NRCAM: variants seen among roughly 807,000 people sequenced by gnomAD.
NRCAM encodes the protein neuronal cell adhesion molecule, also known as NgCAM-related cell adhesion molecule.
In NRCAM, 83 loss-of-function variants were observed where a neutral mutation model predicts 156.5. The observed-to-expected ratio is 0.53, with a 90% CI of 0.44 to 0.64. The LOEUF (loss-of-function observed/expected upper bound fraction) is 0.64. Among genes scored for constraint, NRCAM ranks in the 30% least tolerant of loss-of-function variants. NRCAM has a pLI of 0.00. For missense variants in NRCAM, 1,417 were observed against 1,597.3 expected (o/e 0.89, Z 1.92); for synonymous variants, 538 against 563.9 (o/e 0.95, Z 0.65).
At chr7:108,397,531 G>A (rs2099780371) in intron 2 of NRCAM, among the ~76,000 whole-genome samples, 1 of 152,140 alleles carries the variant, frequency 6.6e-6, no homozygotes, top group Non-Finnish European at 1.5e-5. Flanking sequence ...CCTCAACCAT[G>A]TCCTGGGTGG....
intron 2 of NRCAM, among the ~76,000 whole-genome samples, chr7:108,324,531 A>C (rs999764101): frequency 6.6e-6 from 1 of 152,110 alleles, no homozygotes; most frequent in Non-Finnish European, 1.5e-5. Context: ...ACCACAAATG[A>C]CTTGACAGGA....
intron 15 of NRCAM, 69 bp downstream of exon 15, chr7:108,195,692 A>C: frequency 1.2e-6 from 1 of 850,102 alleles, no homozygotes; most frequent in East Asian, 2.6e-5. Flanking sequence ...ATAAAACCCA[A>C]CATATTTAGA....
chr7:108,365,912 C>T (rs2099589020), intron 2 of NRCAM, among the ~76,000 whole-genome samples: 1 of 152,156 alleles, frequency 6.6e-6, no homozygotes, highest in Admixed American at 6.5e-5. Flanking sequence ...CTGAATGCAT[C>T]TCTCAAAATT....
chr7:108,331,419 T>A (rs144357627), intron 2 of NRCAM, among the ~76,000 whole-genome samples: 196 of 151,348 alleles, frequency 1.3e-3, no homozygotes, highest in African/African-American at 4.4e-3. Flanking sequence ...AAAAAAAAAA[T>A]AGATATAATC....
intron 3 of NRCAM, among the ~76,000 whole-genome samples, chr7:108,256,708 A>G (rs1393940512): frequency 6.6e-6 from 1 of 152,216 alleles, no homozygotes; most frequent in Non-Finnish European, 1.5e-5. Flanking sequence ...TTCTACTTAT[A>G]TGAAATCTTT....
At chr7:108,256,511 A>G (rs2096669831) in intron 3 of NRCAM, among the ~76,000 whole-genome samples, 1 of 151,160 alleles carries the variant, frequency 6.6e-6, no homozygotes, top group African/African-American at 2.4e-5. Flanking sequence ...TCCTCTGCCT[A>G]GGAAAACCAG....
chr7:108,424,718 GA>G (rs1297113258), intron 1 of NRCAM, among the ~76,000 whole-genome samples: 1 of 152,104 alleles, frequency 6.6e-6, no homozygotes, highest in Non-Finnish European at 1.5e-5. Context: ...TATCAGGGGG[GA>G]AAGAATGTAC....
At chr7:108,177,372 C>A (rs958257194) in intron 26 of NRCAM, among the ~76,000 whole-genome samples, 77 of 152,158 alleles carry the variant, frequency 5.1e-4, no homozygotes, top group Admixed American at 3.7e-3. Flanking sequence ...GCCTGTAATC[C>A]CAGCACTTTG....
At position 108,225,627 on chromosome 7, in the gene NRCAM, A is replaced by C; in HGVS notation, c.778+18T>G. 1 of 1,495,376 alleles carries C rather than the reference A, an allele frequency of 6.7e-7. No homozygotes were observed. The allele number at this position is 1,495,376 out of a possible 1,614,324, so 92.6% of individuals were successfully genotyped here. A position where few individuals can be genotyped will look rare whatever the true frequency, so the allele number is the denominator to read the frequency against. On this transcript the variant is annotated intron_variant, in intron 10 of 32. Coordinates refer to ENST00000379028, the MANE Select transcript of NRCAM (RefSeq NM_001037132.4). Reference sequence around the variant, plus strand: ...TACAATGAAGGAGAGAATATCAGTTACAATCACCATAACTCACCACCATAA... The same window carrying C: ...TACAATGAAGGAGAGAATATCAGTTCCAATCACCATAACTCACCACCATAA...
At chr7:108,315,459 C>T (rs1218919001) in intron 2 of NRCAM, among the ~76,000 whole-genome samples, 2 of 152,210 alleles carry the variant, frequency 1.3e-5, no homozygotes, top group East Asian at 3.8e-4. Context: ...CATCTTGAAA[C>T]CCAGTTCTCC....
chr7:108,175,352 T>C lies in NRCAM; in HGVS notation c.3157A>G (p.Ile1053Val). The C allele has an allele frequency of 6.4e-7, 1 of 1,562,550 alleles. No homozygotes were observed. The highest frequency in any genetic ancestry group is 8.7e-7 in the Non-Finnish European group (1 of 1,152,204). ...CCTGCACCTACATCAGGTGGAAGAATACCAGCTTTAATGAAGGGAAACAGA... is the reference window on the plus strand; with the variant it reads ...CCTGCACCTACATCAGGTGGAAGAACACCAGCTTTAATGAAGGGAAACAGA... ...EAVTTVDEAG[I>V]LPPDVGAGKV... The change falls in exon 28 of 33, where the codon ATT becomes GTT. Residue 1053 changes from isoleucine (I) to valine (V), a missense_variant. This residue lies in a region of NRCAM where 1,238 missense variants were observed against 1,336.4 expected (regional missense o/e 0.93). Transcript: ENST00000379028.
chr7:108,416,126 G>A (rs1241861446), intron 1 of NRCAM, among the ~76,000 whole-genome samples: 1 of 152,214 alleles, frequency 6.6e-6, no homozygotes. Context: ...AGCTGCTGAT[G>A]TGAGCCCATC....
At chr7:108,363,964 A>T (rs1434493627) in intron 2 of NRCAM, among the ~76,000 whole-genome samples, 1 of 152,216 alleles carries the variant, frequency 6.6e-6, no homozygotes, top group Non-Finnish European at 1.5e-5. Context: ...ATCCTGGGAC[A>T]GAAGAAAAAA....
chr7:108,266,827 A>G (rs1286824122), intron 3 of NRCAM, among the ~76,000 whole-genome samples: 1 of 152,196 alleles, frequency 6.6e-6, no homozygotes, highest in East Asian at 1.9e-4. Context: ...GGACAAAGGA[A>G]AAAGAAAGGG....
intron 2 of NRCAM, among the ~76,000 whole-genome samples, chr7:108,356,673 C>T (rs1236511876): frequency 1.3e-5 from 2 of 152,138 alleles, no homozygotes; most frequent in African/African-American, 4.8e-5. Flanking sequence ...AGCCAGGTGG[C>T]TTGACTTATA....
At chr7:108,404,730 A>T (rs1401190112) in intron 1 of NRCAM, among the ~76,000 whole-genome samples, 2 of 152,208 alleles carry the variant, frequency 1.3e-5, no homozygotes, top group Non-Finnish European at 2.9e-5. Flanking sequence ...ATAGATGAGA[A>T]AACTGAGGCA....
intron 3 of NRCAM, among the ~76,000 whole-genome samples, chr7:108,299,114 A>AAAAGAAAGAAAGAAAGAAAGAAAGAAAG (rs1554479870): frequency 1.2e-4 from 3 of 25,506 alleles, no homozygotes; most frequent in Admixed American, 7.2e-4. Context: ...TCAAAAAAAA[A>AAAAGAAAGAAAGAAAGAAAGAAAGAAAG]AAAGAAAGAA....
At chr7:108,167,561 A>C (rs1275068436) in intron 29 of NRCAM, among the ~76,000 whole-genome samples, 1 of 152,188 alleles carries the variant, frequency 6.6e-6, no homozygotes, top group Admixed American at 6.5e-5. Flanking sequence ...TTCTAAAGGG[A>C]TCGTCATTTC....
intron 2 of NRCAM, among the ~76,000 whole-genome samples, chr7:108,320,885 A>G (rs2098993624): frequency 6.6e-6 from 1 of 152,252 alleles, no homozygotes; most frequent in Non-Finnish European, 1.5e-5. Context: ...TTTGTATACA[A>G]TCAGGTTCAC....
Sources: gnomAD v4.1 joint callset for allele counts (sites outside exome capture counted in the v4.1 genomes callset) on GRCh38, gnomAD v4.1.1 for gene constraint, gnomAD v4.1.1 regional missense constraint, MANE v1.5 for transcripts, NCBI Gene and HGNC (gene_info 2026-07-23, HGNC 2026-07-21) for gene names.